PDE11A: variants seen among roughly 807,000 people sequenced by gnomAD.
The protein encoded by PDE11A is phosphodiesterase 11A.
In PDE11A, 100 loss-of-function variants were observed where a neutral mutation model predicts 100.5. That is an observed-to-expected ratio of 1.00 (90% CI 0.85 to 1.18). The LOEUF (loss-of-function observed/expected upper bound fraction) is 1.18. Ranked by LOEUF, PDE11A falls within the 50% of genes most tolerant of loss-of-function variation. The probability of loss-of-function intolerance (pLI) is 0.00; values close to 1 mark genes in which losing one functional copy is unlikely to be tolerated. For synonymous variants in PDE11A, 381 were observed against 420.8 expected (o/e 0.91, Z 1.16); for missense variants, 1,141 against 1,152.6 (o/e 0.99, Z 0.15).
At position 177,689,761 on chromosome 2, in the gene PDE11A, C is replaced by T. The variant is rs149083050; in HGVS notation, c.2345+7571G>A. On this transcript the variant is annotated intron_variant, in intron 15 of 19. Transcript: ENST00000286063. ...GCTTTTGTTGATGGCACAAATAAAACCGGCAAAATGCAGGAAGTAGAGATA... is the reference window on the plus strand; with the variant it reads ...GCTTTTGTTGATGGCACAAATAAAATCGGCAAAATGCAGGAAGTAGAGATA... 2.4e-3 allele frequency among the ~76,000 whole-genome samples: 362 copies of T among 152,268 alleles called. 1 individual carries two copies. The highest frequency in any genetic ancestry group is 8.1e-3 in the African/African-American group (335 of 41,546).
At chr2:178,022,502 A>C (rs563487856) in intron 1 of PDE11A, among the ~76,000 whole-genome samples, 2 of 152,226 alleles carry the variant, frequency 1.3e-5, no homozygotes, top group South Asian at 4.2e-4. Context: ...TAATTTCAGG[A>C]AAAGGACTTG....
At chr2:177,705,782 C>T (rs1210270315) in intron 13 of PDE11A, among the ~76,000 whole-genome samples, 1 of 152,144 alleles carries the variant, frequency 6.6e-6, no homozygotes, top group Non-Finnish European at 1.5e-5. Flanking sequence ...GCTGTCATGG[C>T]AGATTAATGT....
Position 177,729,589 on chromosome 2 carries a change from TA to T in PDE11A, c.1789-1418del, listed in dbSNP as rs530804574. ...TTTTTGTATTACTGTCACATTTCAT[TA>T]ATAGTTTGCCTAGGTAAGATTTCTA... On this transcript the variant is annotated intron_variant, in intron 10 of 19. Transcript: ENST00000286063. Among the ~76,000 whole-genome samples, 499 of 152,334 alleles carry T rather than the reference TA, an allele frequency of 3.3e-3. 3 individuals are homozygous for T. The highest frequency in any genetic ancestry group is 0.01 in the African/African-American group (427 of 41,578).
chr2:177,631,542 TA>T, intron 19 of PDE11A, among the ~76,000 whole-genome samples: 1 of 29,338 alleles, frequency 3.4e-5, no homozygotes, highest in East Asian at 1.8e-3. Flanking sequence ...TATATATATA[TA>T]TATACACATG....
intron 4 of PDE11A, among the ~76,000 whole-genome samples, chr2:177,895,010 T>A (rs2084587912): frequency 6.6e-6 from 1 of 152,158 alleles, no homozygotes; most frequent in Non-Finnish European, 1.5e-5. Flanking sequence ...GACCACTTAT[T>A]CAAGGCTTCT....
At chr2:177,910,105 A>G (rs528830823) in intron 2 of PDE11A, among the ~76,000 whole-genome samples, 1 of 152,220 alleles carries the variant, frequency 6.6e-6, no homozygotes, top group Non-Finnish European at 1.5e-5. Flanking sequence ...GGATGGAGAC[A>G]ATATTATACC....
chr2:177,823,455 C>G (rs938767654), intron 6 of PDE11A, among the ~76,000 whole-genome samples: 1 of 152,196 alleles, frequency 6.6e-6, no homozygotes, highest in African/African-American at 2.4e-5. Flanking sequence ...GATGTTCACT[C>G]TCTGTCTGGC....
At chr2:177,660,332 C>T (rs550967373) in intron 19 of PDE11A, among the ~76,000 whole-genome samples, 2 of 152,098 alleles carry the variant, frequency 1.3e-5, no homozygotes, top group African/African-American at 4.8e-5. Flanking sequence ...ATGTGTCCTA[C>T]CCACCTGGCA....
chr2:177,644,851 G>T (rs574144051), intron 19 of PDE11A, among the ~76,000 whole-genome samples: 2 of 152,286 alleles, frequency 1.3e-5, no homozygotes, highest in South Asian at 4.1e-4. Context: ...ATAAGTCTTA[G>T]AAAGTCTGAC....
intron 2 of PDE11A, among the ~76,000 whole-genome samples, chr2:178,006,334 AGAAAGGTG>A (rs1441663645): frequency 2.0e-5 from 3 of 152,200 alleles, no homozygotes; most frequent in Non-Finnish European, 2.9e-5. Flanking sequence ...AAGCCTTGAA[AGAAAGGTG>A]GAAATGAGAA....
At chr2:177,721,758 C>T (rs1421280476) in intron 12 of PDE11A, among the ~76,000 whole-genome samples, 1 of 152,218 alleles carries the variant, frequency 6.6e-6, no homozygotes, top group East Asian at 1.9e-4. Flanking sequence ...AAGCAGATCA[C>T]TTGCTGCACA....
intron 19 of PDE11A, among the ~76,000 whole-genome samples, chr2:177,638,668 C>G (rs2080091092): frequency 6.6e-6 from 1 of 152,152 alleles, no homozygotes; most frequent in African/African-American, 2.4e-5. Flanking sequence ...GGAAATAATT[C>G]AATCCCTTTG....
At chr2:177,725,152 G>A (rs2081582462) in intron 12 of PDE11A, among the ~76,000 whole-genome samples, 1 of 152,066 alleles carries the variant, frequency 6.6e-6, no homozygotes, top group African/African-American at 2.4e-5. Flanking sequence ...TTTTACCATA[G>A]GCCGAGTCAC....
At chr2:177,798,291 G>A (rs887878854) in intron 9 of PDE11A, among the ~76,000 whole-genome samples, 20 of 152,062 alleles carry the variant, frequency 1.3e-4, no homozygotes, top group African/African-American at 4.1e-4. Context: ...CTTGGAGCTC[G>A]TTACACTTGG....
At chr2:177,634,623 C>T (rs2080009943) in intron 19 of PDE11A, among the ~76,000 whole-genome samples, 1 of 152,096 alleles carries the variant, frequency 6.6e-6, no homozygotes, top group African/African-American at 2.4e-5. Flanking sequence ...CTCCTGACCT[C>T]GTGATCCCCC....
intron 3 of PDE11A, among the ~76,000 whole-genome samples, chr2:177,900,176 T>C (rs1048390027): frequency 6.6e-5 from 10 of 152,224 alleles, no homozygotes; most frequent in Admixed American, 5.2e-4. Context: ...TAGTAGGTTA[T>C]GTACAGGTGG....
In PDE11A at chr2:178,001,804, T is replaced by C. The variant is rs529024015; in HGVS notation, c.1071+12498A>G. Among the ~76,000 whole-genome samples, 9 of 152,348 alleles carry C rather than the reference T, an allele frequency of 5.9e-5. No homozygotes were observed. The East Asian group carries it at 1.7e-3, about 29-fold the overall frequency. Reference sequence around the variant, plus strand: ...AGAGCTTGGGCTTCATGAAGCTTACTGAATAGAGTATATGAACCATTTGAC... The same window carrying C: ...AGAGCTTGGGCTTCATGAAGCTTACCGAATAGAGTATATGAACCATTTGAC... On this transcript the variant is annotated intron_variant, in intron 2 of 19. Coordinates refer to ENST00000286063, the MANE Select transcript of PDE11A (RefSeq NM_016953.4).
At chr2:177,699,754 G>A (rs2081169900) in intron 14 of PDE11A, among the ~76,000 whole-genome samples, 1 of 152,170 alleles carries the variant, frequency 6.6e-6, no homozygotes, top group African/African-American at 2.4e-5. Flanking sequence ...CCTTTCTGAT[G>A]GGCAGGACCA....
At chr2:177,809,492 A>AGG (rs1437746860) in intron 9 of PDE11A, among the ~76,000 whole-genome samples, 4 of 152,202 alleles carry the variant, frequency 2.6e-5, no homozygotes, top group Non-Finnish European at 5.9e-5. Context: ...TTATCTGAAG[A>AGG]ATTTATAAAA....
Sources: allele counts gnomAD v4.1 joint callset (sites outside exome capture counted in the v4.1 genomes callset), GRCh38; gene constraint gnomAD v4.1.1; transcripts MANE v1.5; gene names NCBI Gene and HGNC (gene_info 2026-07-23, HGNC 2026-07-21).